The following PPARD variants were observed in gnomAD, a reference collection of about 807,000 sequenced individuals.
PPARD encodes the protein peroxisome proliferator-activated receptor delta.
A neutral mutation model predicts 39.5 loss-of-function variants in PPARD; 6 were observed. The observed-to-expected ratio is 0.15, with a 90% CI of 0.08 to 0.30. The LOEUF (loss-of-function observed/expected upper bound fraction) is 0.30. PPARD is among the 10% of genes least tolerant of loss of function. PPARD has a pLI of 1.00. For missense variants in PPARD, 397 were observed against 596.8 expected (o/e 0.67, Z 3.49); for synonymous variants, 210 against 231.3 (o/e 0.91, Z 0.83).
chr6:35,381,797 CAATT>C (rs1327402497), intron 2 of PPARD, among the ~76,000 whole-genome samples: 1 of 152,144 alleles, frequency 6.6e-6, no homozygotes, highest in African/African-American at 2.4e-5. Flanking sequence ...ATTGTGTAAA[CAATT>C]AGCAAGGTCT....
At chr6:35,347,463 G>A (rs942485517) in intron 2 of PPARD, among the ~76,000 whole-genome samples, 3 of 152,126 alleles carry the variant, frequency 2.0e-5, no homozygotes, top group African/African-American at 7.2e-5. Flanking sequence ...TGGCACAGAG[G>A]AGATAATGAA....
chr6:35,395,467 C>T (rs112829547), intron 2 of PPARD, among the ~76,000 whole-genome samples: 49 of 152,330 alleles, frequency 3.2e-4, no homozygotes, highest in African/African-American at 1.2e-3. Context: ...GTCATTTCAA[C>T]ACTTTAACTT....
chr6:35,426,244 C>A lies in PPARD; in HGVS notation c.*165C>A. 1.2e-6 allele frequency: 1 copy of A among 850,900 alleles called. No homozygotes were observed. Among genetic ancestry groups the A allele is most frequent in the Non-Finnish European group, 1.8e-6 (1 of 564,452 alleles). The allele number at this position is 850,900 out of a possible 1,614,324, so 52.7% of individuals were successfully genotyped here. On this transcript the variant is annotated 3_prime_UTR_variant, in exon 8 of 8. Coordinates refer to ENST00000360694, the MANE Select transcript of PPARD (RefSeq NM_006238.5). Reference sequence around the variant, plus strand: ...CCCACGGCCTCTGGCTCCCTGTGCCCTCTCTCCCGCTTCCTCCAGCCAGCT... The same window carrying A: ...CCCACGGCCTCTGGCTCCCTGTGCCATCTCTCCCGCTTCCTCCAGCCAGCT...
chr6:35,374,474 G>A (rs919344875), intron 2 of PPARD, among the ~76,000 whole-genome samples: 84 of 151,850 alleles, frequency 5.5e-4, no homozygotes, highest in African/African-American at 1.6e-3. Flanking sequence ...TGGCTAACAC[G>A]GTGAAACCCC....
At position 35,370,026 on chromosome 6, in the gene PPARD, G is replaced by A. The variant is rs903757143; in HGVS notation, c.-102+22876G>A. ...CCATATTGCCAAATTCTAGAAAGTT[G>A]TACTAATTTACCCTCTCACTGCAGT... On this transcript the variant is annotated intron_variant, in intron 2 of 7. Transcript: ENST00000360694. Among the ~76,000 whole-genome samples the A allele has an allele frequency of 5.3e-5, 8 of 152,316 alleles. No individual in the cohort carries two copies. In the East Asian group the frequency reaches 1.3e-3, roughly 26 times the overall value.
chr6:35,344,682 T>C (rs921858086), intron 1 of PPARD, among the ~76,000 whole-genome samples: 1 of 152,108 alleles, frequency 6.6e-6, no homozygotes, highest in African/African-American at 2.4e-5. Context: ...CTTTTGATGA[T>C]TGTGCTGTCT....
intron 2 of PPARD, among the ~76,000 whole-genome samples, chr6:35,360,085 C>T (rs1019804334): frequency 6.6e-6 from 1 of 152,088 alleles, no homozygotes; most frequent in African/African-American, 2.4e-5. Context: ...GCCTTGGGGC[C>T]TCCTGCAGAG....
intron 2 of PPARD, chr6:35,348,849 T>A (rs1008076515): frequency 1.0e-6 from 1 of 984,836 alleles, no homozygotes; most frequent in Non-Finnish European, 1.2e-6. Context: ...AGGGAAGAGG[T>A]CAAAGTACCT....
intron 3 of PPARD, among the ~76,000 whole-genome samples, chr6:35,411,446 A>G (rs913666939): frequency 1.3e-5 from 2 of 152,224 alleles, no homozygotes; most frequent in African/African-American, 4.8e-5. Flanking sequence ...AACAGGCCAA[A>G]GGATGGTAGG....
At chr6:35,398,696 A>AAG (rs1409818227) in intron 2 of PPARD, among the ~76,000 whole-genome samples, 42 of 152,212 alleles carry the variant, frequency 2.8e-4, no homozygotes, top group Admixed American at 1.8e-3. Flanking sequence ...TCAGAGCAAA[A>AAG]CCTGGGAGGA....
At chr6:35,398,724 G>A (rs1764499737) in intron 2 of PPARD, among the ~76,000 whole-genome samples, 1 of 152,218 alleles carries the variant, frequency 6.6e-6, no homozygotes, top group South Asian at 2.1e-4. Context: ...TGAAGAGAAG[G>A]CGTAGAGGAG....
At chr6:35,380,388 G>A (rs1343610407) in intron 2 of PPARD, among the ~76,000 whole-genome samples, 3 of 147,536 alleles carry the variant, frequency 2.0e-5, no homozygotes, top group Admixed American at 6.8e-5. Flanking sequence ...GGAGACTTCA[G>A]CAAAGCCTGC....
chr6:35,361,313 C>T (rs1761913188), intron 2 of PPARD, among the ~76,000 whole-genome samples: 1 of 152,108 alleles, frequency 6.6e-6, no homozygotes, highest in Non-Finnish European at 1.5e-5. Context: ...CAGCACCCAG[C>T]ACCATAGGTG....
intron 1 of PPARD, among the ~76,000 whole-genome samples, chr6:35,343,483 T>G (rs957624483): frequency 6.6e-6 from 1 of 151,090 alleles, no homozygotes; most frequent in Non-Finnish European, 1.5e-5. Context: ...AAGCCTTAGC[T>G]CCACACTCTA....
At chr6:35,382,041 C>G (rs2150591090) in intron 2 of PPARD, among the ~76,000 whole-genome samples, 1 of 152,282 alleles carries the variant, frequency 6.6e-6, no homozygotes, top group Middle Eastern at 3.4e-3. Context: ...GGTTTGTTTC[C>G]TCTTCTGCTC....
At chr6:35,419,067 CATT>C (rs577338066) in intron 3 of PPARD, among the ~76,000 whole-genome samples, 73 of 152,270 alleles carry the variant, frequency 4.8e-4, no homozygotes, top group South Asian at 2.3e-3. Context: ...GCCTGGAAAA[CATT>C]AGCCTGGGTT....
intron 2 of PPARD, among the ~76,000 whole-genome samples, chr6:35,354,913 C>T (rs892716531): frequency 6.6e-6 from 1 of 152,182 alleles, no homozygotes; most frequent in African/African-American, 2.4e-5. Context: ...TGACTCAGCT[C>T]CAGTGTTGAC....
chr6:35,365,990 C>T (rs987536412), intron 2 of PPARD, among the ~76,000 whole-genome samples: 2 of 151,580 alleles, frequency 1.3e-5, no homozygotes, highest in African/African-American at 2.4e-5. Flanking sequence ...GGTGAGTGAG[C>T]GCTGGTATCT....
intron 2 of PPARD, among the ~76,000 whole-genome samples, chr6:35,388,833 CT>C (rs1763834911): frequency 6.6e-6 from 1 of 152,176 alleles, no homozygotes; most frequent in Admixed American, 6.5e-5. Context: ...CATGGACACG[CT>C]TCCACCACCT....
Sources: allele counts gnomAD v4.1 joint callset (sites outside exome capture counted in the v4.1 genomes callset), GRCh38; gene constraint gnomAD v4.1.1; transcripts MANE v1.5; gene names NCBI Gene and HGNC (gene_info 2026-07-23, HGNC 2026-07-21).